MECR: variants seen among roughly 807,000 people sequenced by gnomAD.
The protein encoded by MECR is mitochondrial trans-2-enoyl-CoA reductase.
Under a neutral mutation model 49.1 loss-of-function variants are expected in MECR, and 37 were observed. The observed-to-expected ratio is 0.75, with a 90% CI of 0.58 to 0.99. The LOEUF (loss-of-function observed/expected upper bound fraction) is 0.99, where lower values mean the gene tolerates loss of function less well. Ranked by LOEUF, MECR falls within the 50% of genes least tolerant of loss-of-function variation. The probability of loss-of-function intolerance (pLI) is 0.00; values close to 1 mark genes in which losing one functional copy is unlikely to be tolerated. For synonymous variants in MECR, 198 were observed against 191.1 expected (o/e 1.04, Z -0.30); for missense variants, 470 against 479.6 (o/e 0.98, Z 0.19).
the MECR span, among the ~76,000 whole-genome samples, chr1:29,185,142 A>G: frequency 6.6e-6 from 1 of 152,206 alleles, no homozygotes; most frequent in South Asian, 2.1e-4. Flanking sequence ...AGAAACAAAC[A>G]AACAACTGGG....
At chr1:29,175,764 G>A in the MECR span, among the ~76,000 whole-genome samples, 1 of 149,104 alleles carries the variant, frequency 6.7e-6, no homozygotes, top group Non-Finnish European at 1.5e-5. Context: ...AATTAAGAGT[G>A]GGTCTTTAAT....
chr1:29,196,592 G>A (rs182729419), intron 7 of MECR, among the ~76,000 whole-genome samples: 185 of 152,326 alleles, frequency 1.2e-3, no homozygotes, highest in Admixed American at 9.3e-3. Context: ...GGAGGCTGAG[G>A]TGGGAGAATC....
At chr1:29,219,940 T>C (rs1402062176) in intron 1 of MECR, among the ~76,000 whole-genome samples, 1 of 152,228 alleles carries the variant, frequency 6.6e-6, no homozygotes, top group Non-Finnish European at 1.5e-5. Flanking sequence ...AGAGCTCTTT[T>C]TACTTATCAC....
the MECR span, chr1:29,181,822 ACGGCGGCAG>A: frequency 2.3e-6 from 3 of 1,328,758 alleles, no homozygotes; most frequent in East Asian, 2.9e-5. Context: ...AAGCGAGAGC[ACGGCGGCAG>A]CGGCGGCGGC....
chr1:29,191,382 C>T (rs1290596912), downstream of MECR, among the ~76,000 whole-genome samples: 1 of 152,082 alleles, frequency 6.6e-6, no homozygotes, highest in Non-Finnish European at 1.5e-5. Flanking sequence ...CAGCTCACTG[C>T]AACCTCCGCC....
the MECR span, among the ~76,000 whole-genome samples, chr1:29,180,655 A>C: frequency 6.6e-6 from 1 of 152,142 alleles, no homozygotes; most frequent in Non-Finnish European, 1.5e-5. Flanking sequence ...AGTGCCCTAA[A>C]ATGTCACCCC....
At chr1:29,218,021 C>T (rs1679899319) in intron 1 of MECR, among the ~76,000 whole-genome samples, 1 of 152,174 alleles carries the variant, frequency 6.6e-6, no homozygotes, top group South Asian at 2.1e-4. Context: ...TTCTGTTTCT[C>T]CATTTGTAAA....
chr1:29,221,016 T>A (rs2151907806), intron 1 of MECR: 1 of 602,374 alleles, frequency 1.7e-6, no homozygotes, highest in Non-Finnish European at 2.1e-6. Context: ...ACAGTCGAAG[T>A]ATCAGATACT....
At chr1:29,223,806 GT>G (rs1681371012) in intron 1 of MECR, 2 of 152,180 alleles carry the variant, frequency 1.3e-5, no homozygotes, top group South Asian at 4.1e-4. Flanking sequence ...AAGGAATGAA[GT>G]TCCTCAGCTC....
At chr1:29,184,350 T>G in the MECR span, among the ~76,000 whole-genome samples, 16 of 151,708 alleles carry the variant, frequency 1.1e-4, no homozygotes, top group South Asian at 3.3e-3. Flanking sequence ...AATTTTTTTG[T>G]ATCTTTAATA....
the MECR span, chr1:29,181,527 G>C: frequency 1.2e-6 from 1 of 858,374 alleles, no homozygotes; most frequent in African/African-American, 1.8e-5. Context: ...CTATGGCGGA[G>C]CCTGGCCAGG....
At position 29,223,508 on chromosome 1, in the gene MECR, G is replaced by C. The variant is rs1384856917; in HGVS notation, c.177-6823C>G. 22 of 158,166 alleles carry C rather than the reference G, an allele frequency of 1.4e-4. No individual in the cohort carries two copies. In the Admixed American group the frequency reaches 1.4e-3, roughly 10 times the overall value. The allele number at this position is 158,166 out of a possible 1,614,324, so 9.8% of individuals were successfully genotyped here. On this transcript the variant is annotated intron_variant, in intron 1 of 9. Transcript: ENST00000263702. ...AATATCATTTTGAGCAGGAAGAAGAGGTAGGGAGAAATTGTCACTGGCCAG... is the reference window on the plus strand; with the variant it reads ...AATATCATTTTGAGCAGGAAGAAGACGTAGGGAGAAATTGTCACTGGCCAG...
At chr1:29,211,711 CCT>C (rs34472529) in intron 3 of MECR, among the ~76,000 whole-genome samples, 103,860 of 151,950 alleles carry the variant, frequency 0.68, 37,047 homozygotes, top group Non-Finnish European at 0.8. Context: ...GAACTTGCCC[CCT>C]GATTCCAAAG....
At position 29,203,091 on chromosome 1, in the gene MECR, C is replaced by T. The variant is rs1284874859; in HGVS notation, c.653+40G>A. On this transcript the variant is annotated intron_variant, in intron 5 of 9. Coordinates refer to ENST00000263702, the MANE Select transcript of MECR (RefSeq NM_016011.5). Reference sequence around the variant, plus strand: ...CGCAGGGATGGGAGGTGGGAAAGACCCAAGACATGGTCTGGGATGAAGCCT... The same window carrying T: ...CGCAGGGATGGGAGGTGGGAAAGACTCAAGACATGGTCTGGGATGAAGCCT... 25 of 1,505,448 alleles carry T rather than the reference C, an allele frequency of 1.7e-5. No homozygotes were observed. The South Asian group carries it at 3.1e-4, about 18-fold the overall frequency. The allele number at this position is 1,505,448 out of a possible 1,614,324, so 93.3% of individuals were successfully genotyped here.
intron 1 of MECR, among the ~76,000 whole-genome samples, chr1:29,225,495 A>G (rs908212142): frequency 1.3e-5 from 2 of 151,864 alleles, no homozygotes; most frequent in Admixed American, 6.6e-5. Context: ...CATTTACCCC[A>G]CTGGACTATG....
chr1:29,208,816 T>C (rs1229310647), intron 3 of MECR, among the ~76,000 whole-genome samples: 3 of 152,112 alleles, frequency 2.0e-5, no homozygotes, highest in Non-Finnish European at 4.4e-5. Flanking sequence ...AAAAAGCAGA[T>C]ATGATAATGA....
intron 7 of MECR, among the ~76,000 whole-genome samples, chr1:29,196,698 T>A (rs972639718): frequency 2.7e-5 from 4 of 149,918 alleles, no homozygotes; most frequent in Non-Finnish European, 4.4e-5. Flanking sequence ...AGAAAATAAA[T>A]GAATGAATGA....
intron 4 of MECR, 64 bp downstream of exon 4, chr1:29,206,698 C>G (rs1676666843): frequency 6.3e-7 from 1 of 1,581,242 alleles, no homozygotes; most frequent in South Asian, 1.1e-5. Flanking sequence ...GCCTTGGGGT[C>G]AGGATGTGAG....
chr1:29,222,270 TG>T (rs1449220658), intron 1 of MECR, among the ~76,000 whole-genome samples: 2 of 152,086 alleles, frequency 1.3e-5, no homozygotes, highest in Non-Finnish European at 2.9e-5. Flanking sequence ...ATTTTTTTTT[TG>T]TATTTTTAGT....
Sources: gnomAD v4.1 joint callset for allele counts (sites outside exome capture counted in the v4.1 genomes callset) on GRCh38, gnomAD v4.1.1 for gene constraint, MANE v1.5 for transcripts, NCBI Gene and HGNC (gene_info 2026-07-23, HGNC 2026-07-21) for gene names.